The following HECW2 variants were observed in gnomAD, a reference collection of about 807,000 sequenced individuals.
The protein encoded by HECW2 is E3 ubiquitin-protein ligase HECW2.
Under a neutral mutation model 175.2 loss-of-function variants are expected in HECW2, and 61 were observed. The observed-to-expected ratio is 0.35, with a 90% CI of 0.28 to 0.43. HECW2 has a LOEUF of 0.43. Among genes scored for constraint, HECW2 ranks in the 20% least tolerant of loss-of-function variants. HECW2 has a pLI of 1.00. For synonymous variants in HECW2, 671 were observed against 731.0 expected (o/e 0.92, Z 1.32); for missense variants, 1,524 against 2,000.5 (o/e 0.76, Z 4.54).
intron 1 of HECW2, among the ~76,000 whole-genome samples, chr2:196,511,576 T>A (rs1687954606): frequency 6.6e-6 from 1 of 152,234 alleles, no homozygotes; most frequent in Admixed American, 6.5e-5. Flanking sequence ...TCTTACAGTC[T>A]GGTATTAAAT....
intron 2 of HECW2, among the ~76,000 whole-genome samples, chr2:196,429,249 C>A (rs1056041218): frequency 6.7e-6 from 1 of 149,528 alleles, no homozygotes; most frequent in Non-Finnish European, 1.5e-5. Context: ...CTGGGGGGGG[C>A]CTACCTGCCC....
chr2:196,359,447 AAAAC>A (rs202003088), intron 2 of HECW2, among the ~76,000 whole-genome samples: 14,020 of 151,768 alleles, frequency 0.092, 696 homozygotes, highest in South Asian at 0.15. Context: ...ACTCCATCTT[AAAAC>A]AAACAAACAA....
intron 22 of HECW2, among the ~76,000 whole-genome samples, chr2:196,227,718 C>A (rs1174249163): frequency 6.6e-6 from 1 of 152,242 alleles, no homozygotes; most frequent in Non-Finnish European, 1.5e-5. Flanking sequence ...TGTCTGATCT[C>A]TGGGTCAGGC....
At chr2:196,202,863 T>C (rs1686915133) in intron 28 of HECW2, among the ~76,000 whole-genome samples, 2 of 152,182 alleles carry the variant, frequency 1.3e-5, no homozygotes, top group South Asian at 2.1e-4. Flanking sequence ...AATATTTGCA[T>C]ATATATAATG....
chr2:196,562,652 C>A (rs1014714284), intron 1 of HECW2, among the ~76,000 whole-genome samples: 1 of 152,202 alleles, frequency 6.6e-6, no homozygotes, highest in African/African-American at 2.4e-5. Flanking sequence ...ACATGTAAGG[C>A]GGGCTGTCCC....
At chr2:196,352,030 G>T (rs992880393) in intron 2 of HECW2, among the ~76,000 whole-genome samples, 3 of 152,152 alleles carry the variant, frequency 2.0e-5, no homozygotes, top group African/African-American at 7.2e-5. Context: ...AAGACAGGTG[G>T]GTCTTCACAA....
intron 1 of HECW2, among the ~76,000 whole-genome samples, chr2:196,492,210 C>T (rs1687223866): frequency 6.6e-6 from 1 of 152,168 alleles, no homozygotes; most frequent in African/African-American, 2.4e-5. Context: ...CAGATTGTCA[C>T]AGAATGCTCC....
At chr2:196,269,527 GAGACCAAGAATATCGTGA>G (rs1689649784) in intron 17 of HECW2, 1 of 104,074 alleles carries the variant, frequency 9.6e-6, no homozygotes, top group African/African-American at 4.0e-5. Flanking sequence ...AAAAAGACAT[GAGACCAAGAATATCGTGA>G]GTATATTTGG....
At chr2:196,479,516 T>G (rs1686775666) in intron 1 of HECW2, among the ~76,000 whole-genome samples, 1 of 152,162 alleles carries the variant, frequency 6.6e-6, no homozygotes, top group African/African-American at 2.4e-5. Context: ...CAATCAAGAT[T>G]GCCCCACCAC....
At chr2:196,216,335 C>A (rs1485219438) in intron 27 of HECW2, among the ~76,000 whole-genome samples, 1 of 151,854 alleles carries the variant, frequency 6.6e-6, no homozygotes, top group Admixed American at 6.6e-5. Flanking sequence ...TGATCAATGT[C>A]GGGTGAATTT....
chr2:196,194,817 A>T lies in HECW2; in HGVS notation c.*6460T>A, dbSNP rs1458262154. Reference sequence around the variant, plus strand: ...CTGAAATACCACTATTAACTGTGACACACTGTGTGGTGAACGTAATGACTG... The same window carrying T: ...CTGAAATACCACTATTAACTGTGACTCACTGTGTGGTGAACGTAATGACTG... On this transcript the variant is annotated 3_prime_UTR_variant, in exon 29 of 29. Transcript: ENST00000644978. The T allele has an allele frequency of 2.0e-5, 3 of 152,218 alleles. No individual in the cohort carries two copies. The highest frequency in any genetic ancestry group is 7.2e-5 in the African/African-American group (3 of 41,460). 9.4% of individuals were successfully genotyped at this position (152,218 alleles called of 1,614,324 possible). A position where few individuals can be genotyped will look rare whatever the true frequency, so the allele number is the denominator to read the frequency against.
intron 1 of HECW2, among the ~76,000 whole-genome samples, chr2:196,435,718 C>T (rs371506379): frequency 2.0e-4 from 30 of 152,346 alleles, no homozygotes; most frequent in African/African-American, 4.8e-4. Context: ...TCTTTACTTT[C>T]TATCACTCTA....
chr2:196,482,605 T>C (rs934417634), intron 1 of HECW2, among the ~76,000 whole-genome samples: 3 of 152,104 alleles, frequency 2.0e-5, no homozygotes, highest in African/African-American at 4.8e-5. Flanking sequence ...GGTTGCTTGA[T>C]GGTGGTGTCA....
chr2:196,387,893 G>T (rs1694395315), intron 2 of HECW2, among the ~76,000 whole-genome samples: 2 of 152,172 alleles, frequency 1.3e-5, no homozygotes, highest in Non-Finnish European at 2.9e-5. Flanking sequence ...TCATTGAAGA[G>T]TAGCAGCAGT....
At chr2:196,375,321 C>T (rs770469645) in intron 2 of HECW2, among the ~76,000 whole-genome samples, 47 of 152,088 alleles carry the variant, frequency 3.1e-4, no homozygotes, top group Non-Finnish European at 5.7e-4. Flanking sequence ...TAAAAGAATT[C>T]GGAGTCCCAG....
intron 28 of HECW2, among the ~76,000 whole-genome samples, chr2:196,213,624 T>A (rs7568085): frequency 0.014 from 2,127 of 152,288 alleles, 39 homozygotes; most frequent in African/African-American, 0.048. Context: ...TGTTTTATAA[T>A]CTGGGTAAAA....
At chr2:196,548,748 G>A (rs1196040252) in intron 1 of HECW2, among the ~76,000 whole-genome samples, 3 of 152,334 alleles carry the variant, frequency 2.0e-5, no homozygotes, top group South Asian at 2.1e-4. Flanking sequence ...GAAGCCCACA[G>A]TCAAGGTGTT....
chr2:196,228,257 G>GT lies in HECW2; in HGVS notation c.3765-4dup. The GT allele has an allele frequency of 6.3e-7, 1 of 1,584,070 alleles. No homozygotes were observed. Among genetic ancestry groups the GT allele is most frequent in the Non-Finnish European group, 8.5e-7 (1 of 1,171,568 alleles). On this transcript the variant is annotated splice_polypyrimidine_tract_variant and splice_region_variant and intron_variant, in intron 21 of 28. Transcript: ENST00000644978. ...TAGAAGGCCCACTGTAATCCAGCCT[G>GT]TAACAAAAATCCACAAAAAGAATAA... is the stretch of plus-strand genomic sequence containing the variant.
intron 1 of HECW2, among the ~76,000 whole-genome samples, chr2:196,465,180 T>G (rs1696902216): frequency 6.6e-6 from 1 of 152,182 alleles, no homozygotes; most frequent in Non-Finnish European, 1.5e-5. Context: ...TTCTAACAAA[T>G]TAAAGTATTT....
Sources: allele counts gnomAD v4.1 joint callset (sites outside exome capture counted in the v4.1 genomes callset), GRCh38; gene constraint gnomAD v4.1.1; transcripts MANE v1.5; gene names NCBI Gene and HGNC (gene_info 2026-07-23, HGNC 2026-07-21).